The following POLR2F variants were observed in gnomAD, a reference collection of about 807,000 sequenced individuals.
POLR2F encodes DNA-directed RNA polymerases I, II, and III subunit RPABC2.
POLR2F carries 12 observed loss-of-function variants against 22.7 expected under a neutral mutation model. The ratio of observed to expected loss-of-function variants is 0.53; its 90% CI spans 0.34 to 0.86. The LOEUF (loss-of-function observed/expected upper bound fraction) is 0.86, where lower values mean the gene tolerates loss of function less well. Among genes scored for constraint, POLR2F ranks in the 40% least tolerant of loss-of-function variants. The probability of loss-of-function intolerance (pLI) is 0.02; values close to 1 mark genes in which losing one functional copy is unlikely to be tolerated. For missense variants in POLR2F, 126 were observed against 171.5 expected, an observed-to-expected ratio of 0.73 and a Z score of 1.48; for synonymous variants, 57 against 66.0, an observed-to-expected ratio of 0.86 and a Z score of 0.66.
upstream of POLR2F, chr22:37,983,774 T>C: frequency 6.9e-7 from 1 of 1,457,996 alleles, no homozygotes; most frequent in Non-Finnish European, 9.0e-7. The surrounding 1 kb of genome is among the most constrained non-coding windows in gnomAD (Gnocchi z 9.5). Context: ...TAGGTCCTGC[T>C]CCTCCGCCAT....
Position 37,974,316 on chromosome 22 carries a change from GT to G in POLR2F, c.293+7147del, listed in dbSNP as rs1403507309. 4.1e-6 allele frequency: 3 copies of G among 731,466 alleles called. No individual in the cohort carries two copies. The highest frequency in any genetic ancestry group is 6.8e-6 in the Non-Finnish European group (3 of 442,494). The allele number at this position is 731,466 out of a possible 1,614,324, so 45.3% of individuals were successfully genotyped here. On this transcript the variant is annotated intron_variant, in intron 4 of 4. Transcript: ENST00000405557. The surrounding 1 kb of genome is among the most constrained non-coding windows in gnomAD (Gnocchi z 5.4). Reference sequence around the variant, plus strand: ...CAGCGGGTGCCTCTGGGAAAACCTTGTAAGTTTCACATTTTGGCAGCATGAG... The same window carrying G: ...CAGCGGGTGCCTCTGGGAAAACCTTGAAGTTTCACATTTTGGCAGCATGAG...
chr22:37,963,927 C>A lies in POLR2F; in HGVS notation c.222-3172C>A, dbSNP rs549837971. Among the ~76,000 whole-genome samples, 109 of 152,116 alleles carry A rather than the reference C, an allele frequency of 7.2e-4. No individual in the cohort carries two copies. The Middle Eastern group carries it at 0.017, about 24-fold the overall frequency. On this transcript the variant is annotated intron_variant, in intron 3 of 4. Coordinates refer to ENST00000442738, the MANE Select transcript of POLR2F (RefSeq NM_021974.5). ...GAGCAGCCTGGCCAACATGGTGAAA[C>A]CCCGTCTCTACTAAAAATACAAAAA...
intron 5 of POLR2F, among the ~76,000 whole-genome samples, chr22:38,036,165 C>T (rs149789604): frequency 9.7e-4 from 147 of 151,774 alleles, no homozygotes; most frequent in African/African-American, 3.5e-3. Flanking sequence ...TTAGTAGAGA[C>T]GGGGTTTTGC....
intron 1 of POLR2F, among the ~76,000 whole-genome samples, chr22:37,955,211 T>G (rs963966314): frequency 4.6e-5 from 7 of 151,098 alleles, no homozygotes; most frequent in Admixed American, 6.6e-5. Flanking sequence ...GGGTTTTTTT[T>G]TTTTTTTTTT....
In POLR2F at chr22:37,980,278, C is replaced by T. The variant is rs780860587; in HGVS notation, c.293+13108C>T. ...GAACCCACAGAGGAGAGAGCTGCTC[C>T]GCCAGCAGTGGACCCCAACAGAGGG... On this transcript the variant is annotated intron_variant, in intron 4 of 4. Transcript: ENST00000405557. The surrounding 1 kb of genome is among the most constrained non-coding windows in gnomAD (Gnocchi z 4.1). 7.5e-4 allele frequency among the ~76,000 whole-genome samples: 114 copies of T among 152,032 alleles called. No individual in the cohort carries two copies. Among genetic ancestry groups the T allele is most frequent in the Non-Finnish European group, 1.5e-3 (102 of 67,984 alleles).
At chr22:38,025,409 G>T (rs922340516) in intron 1 of POLR2F, among the ~76,000 whole-genome samples, 9 of 151,938 alleles carry the variant, frequency 5.9e-5, no homozygotes, top group Non-Finnish European at 8.8e-5. Flanking sequence ...GCATACACAT[G>T]CCCACAACTC....
At chr22:37,977,808 C>A (rs1340852366) in intron 4 of POLR2F, 1 of 1,549,820 alleles carries the variant, frequency 6.5e-7, no homozygotes, top group Non-Finnish European at 8.8e-7. Context: ...GCCATCCAGC[C>A]ATCTCCTGTC....
At chr22:37,972,328 T>C (rs1932085119), downstream of POLR2F, 1 of 930,228 alleles carries the variant, frequency 1.1e-6, no homozygotes, top group Admixed American at 2.3e-5. Flanking sequence ...GAACCTTTAA[T>C]TTTATTATGT....
Position 37,986,433 on chromosome 22 carries a change from A to G in POLR2F, c.120+121A>G, listed in dbSNP as rs1255290847. 1.2e-5 allele frequency: 18 copies of G among 1,530,146 alleles called. No individual in the cohort carries two copies. Among genetic ancestry groups the G allele is most frequent in the Non-Finnish European group, 1.5e-5 (17 of 1,143,414 alleles). 94.8% of individuals were successfully genotyped at this position (1,530,146 alleles called of 1,614,324 possible). ...CCTGGGGCAGGAGGGGTGGTTGTGG[A>G]AGGAAAGAGCCCAGAGTTAGGAGGT... On this transcript the variant is annotated intron_variant, in intron 1 of 2. Transcript: ENST00000333418. This position sits in a 1 kb window ranked among gnomAD's most constrained non-coding sequence, Gnocchi z 4.7.
At chr22:37,953,867 C>T (rs1048221921) in intron 1 of POLR2F, 60 bp downstream of exon 1, 13 of 1,572,022 alleles carry the variant, frequency 8.3e-6, no homozygotes, top group Middle Eastern at 1.9e-4. Context: ...TGAGGCAAGG[C>T]TTGGGTCGGC....
At chr22:38,031,577 G>C (rs1430169851), downstream of POLR2F, among the ~76,000 whole-genome samples, 7 of 152,114 alleles carry the variant, frequency 4.6e-5, no homozygotes, top group African/African-American at 9.7e-5. The surrounding 1 kb of genome is among the most constrained non-coding windows in gnomAD (Gnocchi z 4.1). Flanking sequence ...CGCTGTCCAG[G>C]TCCCCACCAG....
intron 1 of POLR2F, among the ~76,000 whole-genome samples, chr22:38,011,375 G>A (rs1184289463): frequency 6.6e-6 from 1 of 152,028 alleles, no homozygotes; most frequent in African/African-American, 2.4e-5. Flanking sequence ...AAAGTGCTAG[G>A]ATTACAGGTG....
intron 5 of POLR2F, among the ~76,000 whole-genome samples, chr22:38,038,053 T>C (rs1282226085): frequency 6.7e-6 from 1 of 149,702 alleles, no homozygotes; most frequent in Non-Finnish European, 1.5e-5. Flanking sequence ...TAGAACAACT[T>C]GCCTATTATC....
At chr22:38,008,013 G>A (rs2084838016) in intron 1 of POLR2F, among the ~76,000 whole-genome samples, 1 of 152,182 alleles carries the variant, frequency 6.6e-6, no homozygotes, top group African/African-American at 2.4e-5. Context: ...GCTGAGGCAG[G>A]TGGATCACCT....
At chr22:37,970,604 TAAAAAAAAAAAA>T (rs34693298), downstream of POLR2F, 2 of 57,868 alleles carry the variant, frequency 3.5e-5, no homozygotes, top group Non-Finnish European at 5.7e-5. Context: ...AGACTCCATC[TAAAAAAAAAAAA>T]AAAAAAAAAA....
chr22:37,988,330 C>CAAAAAAAA (rs990207951), intron 1 of POLR2F: 3 of 55,094 alleles, frequency 5.4e-5, no homozygotes, highest in Non-Finnish European at 7.5e-5. Context: ...AACTCTGTCT[C>CAAAAAAAA]AAAAAAAAAA....
At chr22:37,975,434 T>C (rs1296026018) in intron 4 of POLR2F, among the ~76,000 whole-genome samples, 3 of 152,154 alleles carry the variant, frequency 2.0e-5, no homozygotes, top group Non-Finnish European at 1.5e-5. Context: ...TCCAGTTTCA[T>C]TCTGAGGTGG....
chr22:37,988,179 A>T (rs1294929232), intron 1 of POLR2F: 1 of 149,776 alleles, frequency 6.7e-6, no homozygotes, highest in East Asian at 1.9e-4. Context: ...AAAAAAAAAA[A>T]ATTAGCTGGG....
rs1333099599 is a variant in POLR2F at position 38,017,598 on chromosome 22, C to G, written c.121-8271C>G. Among the ~76,000 whole-genome samples, 3 of 152,220 alleles carry G rather than the reference C, an allele frequency of 2.0e-5. No homozygotes were observed. In the East Asian group the frequency reaches 5.8e-4, roughly 29 times the overall value. On this transcript the variant is annotated intron_variant, in intron 1 of 2. Coordinates refer to the POLR2F transcript ENST00000333418. This position sits in a 1 kb window ranked among gnomAD's most constrained non-coding sequence, Gnocchi z 4.1. ...TATGTCCAGGTTGTAGGGAAGAGCT[C>G]AGAGCACCTGAATGGGTCATGCAGT...
Sources: allele counts gnomAD v4.1 joint callset (sites outside exome capture counted in the v4.1 genomes callset), GRCh38; gene constraint gnomAD v4.1.1; non-coding constraint Gnocchi (gnomAD v3.1); transcripts MANE v1.5; gene names NCBI Gene and HGNC (gene_info 2026-07-23, HGNC 2026-07-21).